The following MSANTD7 variants were observed in gnomAD, a reference collection of about 807,000 sequenced individuals.
MSANTD7 encodes the protein zinc finger and SCAN domain containing 29.
At chr10:14,843,907 A>G in the MSANTD7 span, 1 of 1,535,948 alleles carries the variant, frequency 6.5e-7, no homozygotes, top group Non-Finnish European at 8.7e-7. Context: ...ACCAATTACA[A>G]AAGGCTCTGC....
chr10:14,846,416 G>T, the MSANTD7 span: 1 of 985,256 alleles, frequency 1.0e-6, no homozygotes. Context: ...AATGGGTAAA[G>T]TAACCCTAAT....
the MSANTD7 span, chr10:14,843,515 G>A: frequency 1.2e-5 from 18 of 1,550,552 alleles, no homozygotes; most frequent in South Asian, 1.2e-5. Context: ...AGCACTCCTG[G>A]GGTAGCCTCC....
chr10:14,843,919 T>A, the MSANTD7 span: 1 of 1,534,950 alleles, frequency 6.5e-7, no homozygotes, highest in Non-Finnish European at 8.7e-7. Context: ...AGGCTCTGCT[T>A]CCTAAACTGG....
the MSANTD7 span, chr10:14,846,590 G>C: frequency 3.1e-6 from 3 of 979,554 alleles, no homozygotes; most frequent in African/African-American, 5.3e-5. Context: ...AACCCCCTTA[G>C]AAAAGCTTTT....
At chr10:14,846,456 G>A in the MSANTD7 span, 5 of 985,230 alleles carry the variant, frequency 5.1e-6, no homozygotes, top group African/African-American at 8.7e-5. Context: ...GAAAGGTCTT[G>A]AATAAGTACA....
the MSANTD7 span, chr10:14,842,562 A>G: frequency 1.9e-5 from 29 of 1,536,034 alleles, no homozygotes; most frequent in Non-Finnish European, 2.4e-5. The surrounding 1 kb of genome is among the most constrained non-coding windows in gnomAD (Gnocchi z 5.2). Context: ...TGTCCATTTT[A>G]TGATACGTTG....
At chr10:14,846,223 ATAGGTAGGTAGG>A in the MSANTD7 span, 5 of 985,072 alleles carry the variant, frequency 5.1e-6, no homozygotes, top group Non-Finnish European at 6.0e-6. Context: ...TGTGTCAATT[ATAGGTAGGTAGG>A]TAGGTAGGTA....
the MSANTD7 span, chr10:14,842,567 A>G: frequency 1.3e-6 from 2 of 1,536,010 alleles, no homozygotes; most frequent in African/African-American, 2.7e-5. This position sits in a 1 kb window ranked among gnomAD's most constrained non-coding sequence, Gnocchi z 5.2. Context: ...ATTTTATGAT[A>G]CGTTGGATCA....
At chr10:14,838,637 C>A in the MSANTD7 span, 1 of 597,184 alleles carries the variant, frequency 1.7e-6, no homozygotes, top group South Asian at 2.2e-5. Flanking sequence ...CCTGGCGATT[C>A]CTCCGGAAAG....
chr10:14,843,255 A>T, the MSANTD7 span: 1 of 1,308,850 alleles, frequency 7.6e-7, no homozygotes, highest in Non-Finnish European at 1.1e-6. Context: ...TCCCTGGTGG[A>T]AAGAGGCTTT....
At chr10:14,844,309 C>A in the MSANTD7 span, 7 of 1,060,296 alleles carry the variant, frequency 6.6e-6, no homozygotes, top group African/African-American at 1.0e-4. Flanking sequence ...GCACTGTACA[C>A]ATTTAAGTTA....
chr10:14,839,564 C>T, the MSANTD7 span, among the ~76,000 whole-genome samples: 2 of 149,904 alleles, frequency 1.3e-5, no homozygotes, highest in Non-Finnish European at 3.0e-5. Context: ...GAGCAAGACT[C>T]CGTGTCCAAA....
At chr10:14,839,083 G>A in the MSANTD7 span, among the ~76,000 whole-genome samples, 1 of 152,336 alleles carries the variant, frequency 6.6e-6, no homozygotes, top group East Asian at 1.9e-4. Flanking sequence ...TGGCTGTGAA[G>A]CCAGTTGATG....
At chr10:14,845,329 T>A in the MSANTD7 span, 1 of 985,154 alleles carries the variant, frequency 1.0e-6, no homozygotes, top group South Asian at 4.7e-5. Flanking sequence ...AGTGGGCATG[T>A]TGGGGGAGGT....
At chr10:14,842,211 C>T in the MSANTD7 span, 1 of 1,535,488 alleles carries the variant, frequency 6.5e-7, no homozygotes, top group East Asian at 2.4e-5. The surrounding 1 kb of genome is among the most constrained non-coding windows in gnomAD (Gnocchi z 5.2). Flanking sequence ...CCTGAGAGCA[C>T]ACAGAGCTTC....
chr10:14,844,602 T>C, the MSANTD7 span: 1 of 985,336 alleles, frequency 1.0e-6, no homozygotes, highest in Non-Finnish European at 1.2e-6. Flanking sequence ...TCCTTCATTT[T>C]ACTGGTTCTT....
At chr10:14,842,073 C>A in the MSANTD7 span, 1 of 1,308,282 alleles carries the variant, frequency 7.6e-7, no homozygotes, top group Non-Finnish European at 1.1e-6. The surrounding 1 kb of genome is among the most constrained non-coding windows in gnomAD (Gnocchi z 5.2). Flanking sequence ...CACCACTTAA[C>A]TTGCTGCCAA....
chr10:14,843,336 T>C, the MSANTD7 span: 1 of 1,550,030 alleles, frequency 6.5e-7, no homozygotes, highest in South Asian at 1.2e-5. Flanking sequence ...TTAGCAGGAA[T>C]GTTCTCTTTG....
At chr10:14,845,602 T>A in the MSANTD7 span, 6 of 913,394 alleles carry the variant, frequency 6.6e-6, no homozygotes, top group African/African-American at 7.2e-5. Flanking sequence ...ATTATTATTT[T>A]TTTTTTTTTG....
Sources: allele counts gnomAD v4.1 joint callset (sites outside exome capture counted in the v4.1 genomes callset), GRCh38; gene constraint gnomAD v4.1.1; non-coding constraint Gnocchi (gnomAD v3.1); transcripts MANE v1.5; gene names NCBI Gene and HGNC (gene_info 2026-07-23, HGNC 2026-07-21).